KMT5A: variants seen among roughly 807,000 people sequenced by gnomAD.
The protein encoded by KMT5A is lysine methyltransferase 5A, also known as N-lysine methyltransferase KMT5A.
KMT5A carries 6 observed loss-of-function variants against 40.6 expected under a neutral mutation model. That is an observed-to-expected ratio of 0.15 (90% CI 0.08 to 0.29). KMT5A has a LOEUF of 0.29. KMT5A is among the 10% of genes least tolerant of loss of function. The pLI is 1.00. For missense variants in KMT5A, 308 were observed against 459.1 expected (o/e 0.67, Z 3.01); for synonymous variants, 153 against 178.8 (o/e 0.86, Z 1.15).
intron 2 of KMT5A, among the ~76,000 whole-genome samples, chr12:123,390,301 A>G (rs1336612301): frequency 6.6e-6 from 1 of 152,198 alleles, no homozygotes; most frequent in East Asian, 1.9e-4. Flanking sequence ...AAGATAGCCT[A>G]GCTCTTCACA....
chr12:123,399,846 CAG>C (rs1177020581), intron 5 of KMT5A, among the ~76,000 whole-genome samples: 9 of 151,982 alleles, frequency 5.9e-5, no homozygotes, highest in African/African-American at 2.2e-4. Context: ...TTTTTCGAGA[CAG>C]AGTCTCACAC....
chr12:123,388,508 T>C (rs1004926798), intron 1 of KMT5A: 1 of 152,234 alleles, frequency 6.6e-6, no homozygotes, highest in Admixed American at 6.5e-5. Context: ...CCTAGTTCTG[T>C]GGCCCGGGAC....
chr12:123,398,568 A>C (rs1877914606), intron 5 of KMT5A, among the ~76,000 whole-genome samples: 1 of 152,216 alleles, frequency 6.6e-6, no homozygotes, highest in South Asian at 2.1e-4. Flanking sequence ...GCTTCCCTAA[A>C]GCACAGTCTG....
intron 5 of KMT5A, among the ~76,000 whole-genome samples, chr12:123,399,717 A>G (rs1055555478): frequency 3.3e-5 from 5 of 152,220 alleles, no homozygotes; most frequent in African/African-American, 1.2e-4. Flanking sequence ...ATTAACAACA[A>G]AAAAGACACC....
chr12:123,402,345 G>A (rs1878246721), intron 5 of KMT5A, among the ~76,000 whole-genome samples: 1 of 152,234 alleles, frequency 6.6e-6, no homozygotes, highest in Non-Finnish European at 1.5e-5. Flanking sequence ...GAGGTGGCAG[G>A]ATTTGGGACT....
At chr12:123,394,987 C>A in intron 3 of KMT5A, 60 bp from the exon 4 acceptor site, 2 of 1,407,350 alleles carry the variant, frequency 1.4e-6, no homozygotes, top group South Asian at 2.5e-5. Context: ...TGCAGCTGGT[C>A]GTCTGGAAAT....
At chr12:123,405,097 T>C in intron 7 of KMT5A, 23 bp downstream of exon 7, 1 of 1,589,212 alleles carries the variant, frequency 6.3e-7, no homozygotes, top group Non-Finnish European at 8.6e-7. Context: ...TTGCTTAGAG[T>C]GGCTTTTCTG....
chr12:123,394,923 G>A (rs1170125767), intron 3 of KMT5A, 124 bp from the exon 4 acceptor site: 8 of 868,568 alleles, frequency 9.2e-6, no homozygotes, highest in Non-Finnish European at 1.4e-5. Context: ...ACAGGCCAAG[G>A]GCACTCCTGC....
chr12:123,384,233 G>A lies in KMT5A; in HGVS notation c.10+25G>A. The A allele has an allele frequency of 6.2e-7, 1 of 1,612,340 alleles. No homozygotes were observed. The highest frequency in any genetic ancestry group is 8.5e-7 in the Non-Finnish European group (1 of 1,179,392). ...GGTATTTGCCCAAGTGGCCGGCACC[G>A]GAGCGGCTGGGTCGGGGGTCGTGCT... On this transcript the variant is annotated intron_variant, in intron 1 of 7. Transcript: ENST00000402868. This position sits in a 1 kb window ranked among gnomAD's most constrained non-coding sequence, Gnocchi z 5.7.
At chr12:123,406,611 G>T (rs1878573673) in intron 7 of KMT5A, among the ~76,000 whole-genome samples, 1 of 152,190 alleles carries the variant, frequency 6.6e-6, no homozygotes. Flanking sequence ...ACCGCGCCTG[G>T]CGGGGTTGAT....
At chr12:123,396,527 T>C in intron 5 of KMT5A, 95 bp downstream of exon 5, 1 of 1,165,998 alleles carries the variant, frequency 8.6e-7, no homozygotes, top group East Asian at 2.4e-5. Context: ...TCAGCCTTGT[T>C]TTCGTCATCT....
intron 6 of KMT5A, 89 bp from the exon 7 acceptor site, chr12:123,404,795 T>C: frequency 7.6e-7 from 1 of 1,309,334 alleles, no homozygotes; most frequent in Non-Finnish European, 1.1e-6. Context: ...TGTTAAAGAC[T>C]GGGGTAAGCC....
chr12:123,387,716 C>G (rs1231042642), intron 1 of KMT5A, among the ~76,000 whole-genome samples: 1 of 152,172 alleles, frequency 6.6e-6, no homozygotes, highest in South Asian at 2.1e-4. Context: ...CAGTCTTATC[C>G]GTTCCAATGG....
chr12:123,406,422 C>G (rs143196748), intron 7 of KMT5A, among the ~76,000 whole-genome samples: 1,911 of 152,222 alleles, frequency 0.013, 20 homozygotes, highest in Non-Finnish European at 0.022. Flanking sequence ...TTAAGCAATT[C>G]TCCTGCCTCA....
At chr12:123,391,397 G>T (rs1566074253) in intron 3 of KMT5A, 1 of 153,856 alleles carries the variant, frequency 6.5e-6, no homozygotes, top group Non-Finnish European at 1.4e-5. Context: ...ATTTCACCGT[G>T]TTGGCTAGAC....
chr12:123,385,564 A>C (rs1236754167), intron 1 of KMT5A, among the ~76,000 whole-genome samples: 1 of 152,194 alleles, frequency 6.6e-6, no homozygotes, highest in African/African-American at 2.4e-5. Flanking sequence ...ACTAAATAAT[A>C]ATTATGGCCA....
intron 6 of KMT5A, among the ~76,000 whole-genome samples, chr12:123,404,453 A>C (rs1233164089): frequency 6.6e-6 from 1 of 152,220 alleles, no homozygotes; most frequent in African/African-American, 2.4e-5. Flanking sequence ...CTGTTTGCCT[A>C]GGAAGGCATA....
intron 3 of KMT5A, among the ~76,000 whole-genome samples, chr12:123,393,038 G>A (rs888560558): frequency 3.3e-5 from 5 of 151,956 alleles, no homozygotes; most frequent in African/African-American, 9.7e-5. Context: ...CACCACGCTC[G>A]GCTAATTTTT....
chr12:123,389,278 C>T, intron 1 of KMT5A, 155 bp from the exon 2 acceptor site: 1 of 299,840 alleles, frequency 3.3e-6, no homozygotes, highest in Non-Finnish European at 4.8e-6. Flanking sequence ...CGGCCCGGCC[C>T]TCCCGGCTGC....
Sources: allele counts gnomAD v4.1 joint callset (sites outside exome capture counted in the v4.1 genomes callset), GRCh38; gene constraint gnomAD v4.1.1; non-coding constraint Gnocchi (gnomAD v3.1); transcripts MANE v1.5; gene names NCBI Gene and HGNC (gene_info 2026-07-23, HGNC 2026-07-21).